TKTL2: variants seen among roughly 807,000 people sequenced by gnomAD.
The protein encoded by TKTL2 is transketolase like 2.
For missense variants in TKTL2, 825 were observed against 799.4 expected, an observed-to-expected ratio of 1.03 and a Z score of -0.39; for synonymous variants, 259 against 294.1, an observed-to-expected ratio of 0.88 and a Z score of 1.22.
Position 163,473,425 on chromosome 4 carries a change from G to A in TKTL2, c.310C>T (p.Leu104Phe). 1.2e-6 allele frequency: 2 copies of A among 1,614,010 alleles called. No individual in the cohort carries two copies. Among genetic ancestry groups the A allele is most frequent in the Non-Finnish European group, 1.7e-6 (2 of 1,180,028 alleles). ...GGGTGTCTCTCCAAGTCGCTGTGAA[G>A]TTTCCTCAGGTTCAGCAAGTCAGAT... ...SESDLLNLRK[L>F]HSDLERHPTP... The change falls in exon 1 of 1, where the codon CTT becomes TTT. Residue 104 changes from leucine to phenylalanine, a missense_variant. Leu to Phe is a conservative substitution (Grantham distance 22). Transcript: ENST00000280605.
chr4:163,473,104 CA>C lies in TKTL2; in HGVS notation c.630del (p.Phe210LeufsTer7). The C allele has an allele frequency of 6.2e-7, 1 of 1,614,076 alleles. No homozygotes were observed. ...CCATCCACTAAGTAAGTATTCCATC[CA>C]AAGGCTTCACAGCAATTCTGGTAGA... is the stretch of plus-strand genomic sequence containing the variant. ...ADIYQNCCEAFGWNTYLVDGH... is the reference protein window; with the variant it reads ...ADIYQNCCEAXGWNTYLVDGH... On this transcript the variant is annotated frameshift_variant, in exon 1 of 1. Coordinates refer to ENST00000280605, the MANE Select transcript of TKTL2 (RefSeq NM_032136.5). LOFTEE classifies it low-confidence loss of function (END_TRUNC).
In TKTL2 at chr4:163,473,745, T is replaced by C. The variant is rs533497694; in HGVS notation, c.-11A>G. ...GTCGTTGGCCATCATCTCTCTTTTG[T>C]CGGTTTGGCAAAGCAAACGGCGCCG... is the stretch of plus-strand genomic sequence containing the variant. On this transcript the variant is annotated 5_prime_UTR_variant, in exon 1 of 1. Coordinates refer to ENST00000280605, the MANE Select transcript of TKTL2 (RefSeq NM_032136.5). 7.6e-6 allele frequency: 12 copies of C among 1,589,098 alleles called. No individual in the cohort carries two copies. The South Asian group carries it at 1.3e-4, about 17-fold the overall frequency.
In TKTL2 at chr4:163,473,724, T is replaced by C. The variant is rs1379290130; in HGVS notation, c.11A>G (p.Asn4Ser). 1.2e-6 allele frequency: 2 copies of C among 1,601,538 alleles called. No homozygotes were observed. Among genetic ancestry groups the C allele is most frequent in the East Asian group, 2.2e-5 (1 of 44,618 alleles). Residue 4 changes from asparagine (N) to serine (S), a missense_variant, in exon 1 of 1, where the codon AAC becomes AGC. Asn to Ser is a conservative substitution (Grantham distance 46). Coordinates refer to ENST00000280605, the MANE Select transcript of TKTL2 (RefSeq NM_032136.5). ...GGTCTTCACGTCGGGCTTGGCGTCG[T>C]TGGCCATCATCTCTCTTTTGTCGGT... Reference protein sequence around the residue: MMANDAKPDVKTVQ... With the variant: MMASDAKPDVKTVQ...
At position 163,473,750 on chromosome 4, in the gene TKTL2, T is replaced by C. The variant is rs768841233; in HGVS notation, c.-16A>G. On this transcript the variant is annotated 5_prime_UTR_variant, in exon 1 of 1. Transcript: ENST00000280605. Reference sequence around the variant, plus strand: ...TGGCCATCATCTCTCTTTTGTCGGTTTGGCAAAGCAAACGGCGCCGCAGCA... The same window carrying C: ...TGGCCATCATCTCTCTTTTGTCGGTCTGGCAAAGCAAACGGCGCCGCAGCA... 1 of 1,585,362 alleles carries C rather than the reference T, an allele frequency of 6.3e-7. No individual in the cohort carries two copies. The highest frequency in any genetic ancestry group is 2.2e-5 in the East Asian group (1 of 44,460).
rs541516570 is a variant in TKTL2 at position 163,473,707 on chromosome 4, C to T, written c.28G>A (p.Val10Met). The T allele has an allele frequency of 8.7e-6, 14 of 1,608,828 alleles. No individual in the cohort carries two copies. Among genetic ancestry groups the T allele is most frequent in the African/African-American group, 5.3e-5 (4 of 74,910 alleles). The change falls in exon 1 of 1, where the codon GTG becomes ATG. Residue 10 changes from valine (V) to methionine (M), a missense_variant. Transcript: ENST00000280605. ...TCCCGCAGCACCTGCACGGTCTTCA[C>T]GTCGGGCTTGGCGTCGTTGGCCATC... Reference protein sequence around the residue: MMANDAKPDVKTVQVLRDTA... With the variant: MMANDAKPDMKTVQVLRDTA...
chr4:163,473,633 A>G lies in TKTL2; in HGVS notation c.102T>C (p.Ser34=). The part of the protein sequence containing the change: ...RIHSIRATCA[S]GSGQLTSCCS... ...AGCACGACGTGAGCTGGCCAGAACCAGAGGCACACGTGGCCCTGATGGAAT... is the reference window on the plus strand; with the variant it reads ...AGCACGACGTGAGCTGGCCAGAACCGGAGGCACACGTGGCCCTGATGGAAT... Residue 34 remains serine, a synonymous_variant, in exon 1 of 1, where the codon TCT becomes TCC. Coordinates refer to ENST00000280605, the MANE Select transcript of TKTL2 (RefSeq NM_032136.5). 2 of 1,614,234 alleles carry G rather than the reference A, an allele frequency of 1.2e-6. No individual in the cohort carries two copies. Among genetic ancestry groups the G allele is most frequent in the South Asian group, 2.2e-5 (2 of 91,076 alleles).
chr4:163,472,106 G>A lies in TKTL2; in HGVS notation c.1629C>T (p.Pro543=). 1 of 1,614,150 alleles carries A rather than the reference G, an allele frequency of 6.2e-7. No individual in the cohort carries two copies. The highest frequency in any genetic ancestry group is 1.3e-5 in the African/African-American group (1 of 75,024). ...VRVIDPFTIK[P]LDAATIISSA... ...TGGAGATGATGGTGGCGGCATCCAGGGGTTTAATGGTAAATGGGTCGATGA... is the reference window on the plus strand; with the variant it reads ...TGGAGATGATGGTGGCGGCATCCAGAGGTTTAATGGTAAATGGGTCGATGA... Residue 543 remains proline, a synonymous_variant, in exon 1 of 1, where the codon CCC becomes CCT. Transcript: ENST00000280605.
Position 163,472,566 on chromosome 4 carries a change from G to A in TKTL2, c.1169C>T (p.Ala390Val). 1.9e-6 allele frequency: 3 copies of A among 1,614,164 alleles called. No homozygotes were observed. Among genetic ancestry groups the A allele is most frequent in the Non-Finnish European group, 2.5e-6 (3 of 1,180,032 alleles). ...CATRGRTIAFAGAFAAFFTRA... is the reference protein window; with the variant it reads ...CATRGRTIAFVGAFAAFFTRA... ...AGTAAAAAAGGCAGCAAAAGCACCA[G>A]CAAAAGCAATGGTTCGACCACGTGT... Residue 390 changes from alanine to valine, a missense_variant, in exon 1 of 1, where the codon GCT becomes GTT. Coordinates refer to ENST00000280605, the MANE Select transcript of TKTL2 (RefSeq NM_032136.5).
Position 163,472,765 on chromosome 4 carries a change from T to C in TKTL2, c.970A>G (p.Thr324Ala). 1.9e-6 allele frequency: 3 copies of C among 1,581,564 alleles called. No individual in the cohort carries two copies. Among genetic ancestry groups the C allele is most frequent in the South Asian group, 2.4e-5 (2 of 84,310 alleles). Residue 324 changes from threonine (T) to alanine (A), a missense_variant, in exon 1 of 1, where the codon ACA becomes GCA. By Grantham distance (58) the Thr-to-Ala change is moderately conservative. Transcript: ENST00000280605. ...KVGDKIATQK[T>A]YGLALAKLGR... Reference sequence around the variant, plus strand: ...AGTTTAGCCAGAGCCAAACCATATGTTTTCTGAGTAGCTATCTTGTCACCA... The same window carrying C: ...AGTTTAGCCAGAGCCAAACCATATGCTTTCTGAGTAGCTATCTTGTCACCA...
In TKTL2 at chr4:163,473,597, C is replaced by T. The variant is rs764116442; in HGVS notation, c.138G>A (p.Ala46=). The T allele has an allele frequency of 2.0e-5, 32 of 1,614,058 alleles. No homozygotes were observed. Among genetic ancestry groups the T allele is most frequent in the Non-Finnish European group, 2.3e-5 (27 of 1,180,040 alleles). The change falls in exon 1 of 1, where the codon GCG becomes GCA. Residue 46 remains alanine, a synonymous_variant. Coordinates refer to ENST00000280605, the MANE Select transcript of TKTL2 (RefSeq NM_032136.5). The part of the protein sequence containing the change: ...SGQLTSCCSA[A]EVVSVLFFHT... Reference sequence around the variant, plus strand: ...GGAAGAAGAGGACAGACACGACCTCCGCTGCACTGCAGCACGACGTGAGCT... The same window carrying T: ...GGAAGAAGAGGACAGACACGACCTCTGCTGCACTGCAGCACGACGTGAGCT...
In TKTL2 at chr4:163,472,016, T is replaced by A; in HGVS notation, c.1719A>T (p.Gly573=). 1 of 1,613,602 alleles carries A rather than the reference T, an allele frequency of 6.2e-7. No homozygotes were observed. Among genetic ancestry groups the A allele is most frequent in the Non-Finnish European group, 8.5e-7 (1 of 1,179,664 alleles). Residue 573 remains glycine (G), a synonymous_variant, in exon 1 of 1, where the codon GGA becomes GGT. Coordinates refer to ENST00000280605, the MANE Select transcript of TKTL2 (RefSeq NM_032136.5). The stretch of plus-strand genomic sequence containing the variant: ...TGGAGACAGCTGCACAAACAGCTTC[T>A]CCAATGCCACCTTCCCTGTAGTGAT... ...VEDHYREGGI[G]EAVCAAVSRE...
At position 163,472,409 on chromosome 4, in the gene TKTL2, T is replaced by C; in HGVS notation, c.1326A>G (p.Arg442=). The change falls in exon 1 of 1, where the codon CGA becomes CGG. Residue 442 remains arginine, a synonymous_variant. Transcript: ENST00000280605. ...AGAAAACAGTACAATTGGGAATGCT[T>C]CGGAACATGGCTAGATCCTCCAGGG... ...QMALEDLAMF[R]SIPNCTVFYP... is the part of the protein sequence containing the mutation. 6.2e-7 allele frequency: 1 copy of C among 1,611,786 alleles called. No individual in the cohort carries two copies. The highest frequency in any genetic ancestry group is 8.5e-7 in the Non-Finnish European group (1 of 1,178,810).
In TKTL2 at chr4:163,472,242, A is replaced by G. The variant is rs1221943707; in HGVS notation, c.1493T>C (p.Val498Ala). The change falls in exon 1 of 1, where the codon GTG becomes GCG. Residue 498 changes from valine to alanine, a missense_variant. Coordinates refer to ENST00000280605, the MANE Select transcript of TKTL2 (RefSeq NM_032136.5). ...QENFEIGQAK[V>A]VRHGVNDKVT... Reference sequence around the variant, plus strand: ...TTTATCATTGACACCGTGGCGGACCACCTTGGCCTGGCCAATCTCAAAATT... The same window carrying G: ...TTTATCATTGACACCGTGGCGGACCGCCTTGGCCTGGCCAATCTCAAAATT... The G allele has an allele frequency of 6.2e-7, 1 of 1,613,654 alleles. No homozygotes were observed. The highest frequency in any genetic ancestry group is 1.7e-4 in the Middle Eastern group (1 of 6,056).
Position 163,473,730 on chromosome 4 carries a change from A to G in TKTL2, c.5T>C (p.Met2Thr). 1 of 1,599,264 alleles carries G rather than the reference A, an allele frequency of 6.3e-7. No individual in the cohort carries two copies. The highest frequency in any genetic ancestry group is 1.1e-5 in the South Asian group (1 of 89,526). Residue 2 changes from methionine to threonine, a missense_variant, in exon 1 of 1, where the codon ATG (methionine) becomes ACG (threonine). Coordinates refer to ENST00000280605, the MANE Select transcript of TKTL2 (RefSeq NM_032136.5). M[M>T]ANDAKPDVKT... is the part of the protein sequence containing the mutation. ...CACGTCGGGCTTGGCGTCGTTGGCCATCATCTCTCTTTTGTCGGTTTGGCA... is the reference window on the plus strand; with the variant it reads ...CACGTCGGGCTTGGCGTCGTTGGCCGTCATCTCTCTTTTGTCGGTTTGGCA...
chr4:163,472,379 T>G lies in TKTL2; in HGVS notation c.1356A>C (p.Pro452=), dbSNP rs910832546. 6.2e-7 allele frequency: 1 copy of G among 1,603,504 alleles called. No homozygotes were observed. Among genetic ancestry groups the G allele is most frequent in the Non-Finnish European group, 8.5e-7 (1 of 1,174,662 alleles). The part of the protein sequence containing the change: ...RSIPNCTVFY[P]SDAISTEHAI... ...CATGCTCTGTCGAGATGGCATCACT[T>G]GGATAGAAAACAGTACAATTGGGAA... Residue 452 remains proline, a synonymous_variant, in exon 1 of 1, where the codon CCA becomes CCC. Coordinates refer to ENST00000280605, the MANE Select transcript of TKTL2 (RefSeq NM_032136.5).
rs200056500 is a variant in TKTL2, at chr4:163,473,534, C to T, written c.201G>A (p.Pro67=). The T allele has an allele frequency of 1.1e-4, 185 of 1,613,876 alleles. No individual in the cohort carries two copies. Among genetic ancestry groups the T allele is most frequent in the South Asian group, 2.2e-5 (2 of 91,038 alleles). Residue 67 remains proline, a synonymous_variant, in exon 1 of 1, where the codon CCG becomes CCA. Coordinates refer to ENST00000280605, the MANE Select transcript of TKTL2 (RefSeq NM_032136.5). ...MKYKQTDPEH[P]DNDRFILSRG... ...TGGAGAGGATGAACCGGTCGTTGTC[C>T]GGGTGTTCTGGGTCTGTCTGTTTAT...
chr4:163,473,386 G>A lies in TKTL2; in HGVS notation c.349C>T (p.Pro117Ser), dbSNP rs775014480. 83 of 1,613,710 alleles carry A rather than the reference G, an allele frequency of 5.1e-5. 3 individuals are homozygous for A. The South Asian group carries it at 8.9e-4, about 17-fold the overall frequency. ...GACCCTGTTGCCACGTCAACAAACG[G>A]CAATCGGGGGGTAGGGTGTCTCTCC... is the stretch of plus-strand genomic sequence containing the variant. ...DLERHPTPRL[P>S]FVDVATGSLG... The change falls in exon 1 of 1, where the codon CCG becomes TCG. Residue 117 changes from proline to serine, a missense_variant. Coordinates refer to ENST00000280605, the MANE Select transcript of TKTL2 (RefSeq NM_032136.5).
chr4:163,472,395 C>A lies in TKTL2; in HGVS notation c.1340G>T (p.Cys447Phe). The A allele has an allele frequency of 6.2e-7, 1 of 1,608,264 alleles. No homozygotes were observed. The highest frequency in any genetic ancestry group is 8.5e-7 in the Non-Finnish European group (1 of 1,177,198). Residue 447 changes from cysteine (C) to phenylalanine (F), a missense_variant, in exon 1 of 1, where the codon TGT (cysteine) becomes TTT (phenylalanine). Transcript: ENST00000280605. ...GGCATCACTTGGATAGAAAACAGTACAATTGGGAATGCTTCGGAACATGGC... is the reference window on the plus strand; with the variant it reads ...GGCATCACTTGGATAGAAAACAGTAAAATTGGGAATGCTTCGGAACATGGC... ...DLAMFRSIPN[C>F]TVFYPSDAIS...
rs151077178 is a variant in TKTL2, at chr4:163,471,883, C to T, written c.1852G>A (p.Ala618Thr). ...TTCATTAAAGTAAGTGTTACGGCTG[C>T]TATAATGTGTCTGGTACTGATTCCA... The part of the protein sequence containing the change: ...MFGISTRHII[A>T]AVTLTLMK The change falls in exon 1 of 1, where the codon GCA (alanine) becomes ACA (threonine). Residue 618 changes from alanine (A) to threonine (T), a missense_variant. Physicochemically the swap from Ala to Thr is moderately conservative, Grantham distance 58 (BLOSUM62 0). Coordinates refer to ENST00000280605, the MANE Select transcript of TKTL2 (RefSeq NM_032136.5). The T allele has an allele frequency of 4.6e-4, 714 of 1,537,210 alleles. 12 individuals are homozygous for T. The South Asian group carries it at 8.5e-3, about 18-fold the overall frequency.
Sources: gnomAD v4.1 joint callset for allele counts on GRCh38, gnomAD v4.1.1 for gene constraint, MANE v1.5 for transcripts, NCBI Gene and HGNC (gene_info 2026-07-23, HGNC 2026-07-21) for gene names.